CCDC3: variants seen among roughly 807,000 people sequenced by gnomAD.
The protein encoded by CCDC3 is coiled-coil domain-containing protein 3.
A neutral mutation model predicts 21.4 loss-of-function variants in CCDC3; 24 were observed. The ratio of observed to expected loss-of-function variants is 1.12; its 90% CI spans 0.81 to 1.58. CCDC3 has a LOEUF of 1.58. Among genes scored for constraint, CCDC3 ranks in the 40% most tolerant of loss-of-function variants. The pLI, the probability that CCDC3 is intolerant of heterozygous loss-of-function variation, is 0.00. For missense variants in CCDC3, 425 were observed against 360.9 expected (o/e 1.18, Z -1.44); for synonymous variants, 186 against 166.0 (o/e 1.12, Z -0.93).
chr10:13,043,566 CA>C (rs1252022301), intron 5 of CCDC3, among the ~76,000 whole-genome samples: 5 of 152,046 alleles, frequency 3.3e-5, no homozygotes, highest in East Asian at 1.9e-4. Flanking sequence ...GCATTCCAGC[CA>C]GGGGGGACAG....
intron 2 of CCDC3, among the ~76,000 whole-genome samples, chr10:12,900,264 T>G (rs78800471): frequency 6.6e-6 from 1 of 152,146 alleles, no homozygotes; most frequent in Admixed American, 6.5e-5. Flanking sequence ...TATGTGTGTG[T>G]GAGCATATAT....
intron 4 of CCDC3, among the ~76,000 whole-genome samples, chr10:13,054,598 T>C (rs1349809640): frequency 6.6e-6 from 1 of 152,064 alleles, no homozygotes; most frequent in Non-Finnish European, 1.5e-5. Flanking sequence ...TCAAACTCAT[T>C]ATGCCGAGGG....
At chr10:13,009,080 G>A (rs1218789054) in intron 5 of CCDC3, among the ~76,000 whole-genome samples, 3 of 151,928 alleles carry the variant, frequency 2.0e-5, no homozygotes, top group Non-Finnish European at 2.9e-5. Context: ...TTTAATAAGT[G>A]GAATACAAGA....
At chr10:13,008,795 T>C (rs779370457) in intron 5 of CCDC3, among the ~76,000 whole-genome samples, 1 of 152,222 alleles carries the variant, frequency 6.6e-6, no homozygotes, top group Non-Finnish European at 1.5e-5. Context: ...TTTCTCAACC[T>C]GATAAAAAGC....
At chr10:13,021,522 C>A (rs1836144477) in intron 5 of CCDC3, among the ~76,000 whole-genome samples, 1 of 152,220 alleles carries the variant, frequency 6.6e-6, no homozygotes. Flanking sequence ...TAAATCTATT[C>A]TGCCCAGAGG....
chr10:13,068,286 C>T (rs116703829), intron 4 of CCDC3, among the ~76,000 whole-genome samples: 2,065 of 152,028 alleles, frequency 0.014, 42 homozygotes, highest in African/African-American at 0.047. Context: ...GATTGGCAGA[C>T]GAAAAATTTC....
chr10:13,021,123 G>A (rs1036442244), intron 5 of CCDC3, among the ~76,000 whole-genome samples: 1 of 152,206 alleles, frequency 6.6e-6, no homozygotes, highest in African/African-American at 2.4e-5. Context: ...ATAGACTATA[G>A]CAATGTTATA....
At position 13,031,774 on chromosome 10, in the gene CCDC3, T is replaced by A. The variant is rs11258143; in HGVS notation, c.-2+17900A>T. Among the ~76,000 whole-genome samples, 37 of 151,906 alleles carry A rather than the reference T, an allele frequency of 2.4e-4. No individual in the cohort carries two copies. The South Asian group carries it at 7.5e-3, about 31-fold the overall frequency. On this transcript the variant is annotated intron_variant, in intron 5 of 6. Coordinates refer to the CCDC3 transcript ENST00000378839. ...GATAAATTCCTGGACACATACACCCTCCCAAGACTAAACCAGGAAGAAGTT... is the reference window on the plus strand; with the variant it reads ...GATAAATTCCTGGACACATACACCCACCCAAGACTAAACCAGGAAGAAGTT...
chr10:13,039,114 C>T (rs1836416792), intron 5 of CCDC3, among the ~76,000 whole-genome samples: 7 of 152,124 alleles, frequency 4.6e-5, no homozygotes. Context: ...TCTATCCATC[C>T]CTCTTCTAGC....
chr10:12,974,901 C>T (rs1835393330), intron 2 of CCDC3, among the ~76,000 whole-genome samples: 1 of 152,166 alleles, frequency 6.6e-6, no homozygotes, highest in Non-Finnish European at 1.5e-5. Context: ...TTTGAGAACC[C>T]ACTATGCATT....
chr10:12,948,697 G>T (rs1403393391), intron 2 of CCDC3, among the ~76,000 whole-genome samples: 1 of 148,018 alleles, frequency 6.8e-6, no homozygotes, highest in Admixed American at 6.7e-5. Flanking sequence ...GACGAAAAGG[G>T]GTAAAAATTT....
At chr10:13,046,504 A>T (rs919303136) in intron 5 of CCDC3, among the ~76,000 whole-genome samples, 6 of 151,796 alleles carry the variant, frequency 4.0e-5, no homozygotes, top group Admixed American at 6.6e-5. Flanking sequence ...GGAGTTCAAG[A>T]CCAGCCTGGC....
intron 2 of CCDC3, among the ~76,000 whole-genome samples, chr10:12,946,725 A>C (rs1452476177): frequency 2.0e-5 from 3 of 152,132 alleles, no homozygotes; most frequent in African/African-American, 7.2e-5. Context: ...TAAGACTCAA[A>C]AACTCCATTT....
chr10:13,052,975 CACACACACACAT>C (rs60735343), intron 4 of CCDC3, among the ~76,000 whole-genome samples: 139 of 85,736 alleles, frequency 1.6e-3, no homozygotes, highest in African/African-American at 4.2e-3. Flanking sequence ...CACACACACA[CACACACACACAT>C]ACACACACAC....
At chr10:13,029,771 C>T (rs146291357) in intron 5 of CCDC3, among the ~76,000 whole-genome samples, 53 of 151,846 alleles carry the variant, frequency 3.5e-4, no homozygotes, top group African/African-American at 1.3e-3. Flanking sequence ...TCAAACGAAG[C>T]GAGAAGAGAA....
chr10:12,915,486 A>G (rs1834338465), intron 2 of CCDC3, among the ~76,000 whole-genome samples: 1 of 152,156 alleles, frequency 6.6e-6, no homozygotes. Context: ...AAATCTCTGT[A>G]TCTTTAGAGT....
intron 2 of CCDC3, among the ~76,000 whole-genome samples, chr10:12,907,462 T>A (rs1014644272): frequency 3.9e-5 from 6 of 152,086 alleles, no homozygotes; most frequent in Admixed American, 3.3e-4. Context: ...CTGGCCAACA[T>A]GGCAAAACCC....
intron 2 of CCDC3, among the ~76,000 whole-genome samples, chr10:12,940,616 C>G (rs1834813480): frequency 6.6e-6 from 1 of 152,166 alleles, no homozygotes; most frequent in Admixed American, 6.5e-5. Context: ...CCTTACCTTA[C>G]AGAATAATCG....
chr10:12,989,176 C>T (rs1835643208), intron 2 of CCDC3, among the ~76,000 whole-genome samples: 2 of 152,212 alleles, frequency 1.3e-5, no homozygotes, highest in Admixed American at 6.5e-5. Context: ...AGAAGCCCAG[C>T]TCCTGAAATC....
Sources: allele counts gnomAD v4.1 joint callset (sites outside exome capture counted in the v4.1 genomes callset), GRCh38; gene constraint gnomAD v4.1.1; transcripts MANE v1.5; gene names NCBI Gene and HGNC (gene_info 2026-07-23, HGNC 2026-07-21).